The following CPA6 variants were observed in gnomAD, a reference collection of about 807,000 sequenced individuals.
The protein encoded by CPA6 is carboxypeptidase B.
In CPA6, 58 loss-of-function variants were observed where a neutral mutation model predicts 63.3. The observed-to-expected ratio is 0.92, with a 90% CI of 0.74 to 1.14. The LOEUF (loss-of-function observed/expected upper bound fraction) is 1.14, where lower values mean the gene tolerates loss of function less well. Ranked by LOEUF, CPA6 falls within the 50% of genes most tolerant of loss-of-function variation. The pLI, the probability that CPA6 is intolerant of heterozygous loss-of-function variation, is 0.00. For missense variants in CPA6, 565 were observed against 526.6 expected (o/e 1.07, Z -0.71); for synonymous variants, 185 against 179.0 (o/e 1.03, Z -0.27).
chr8:67,702,739 C>T (rs1817052399), intron 1 of CPA6, among the ~76,000 whole-genome samples: 1 of 152,160 alleles, frequency 6.6e-6, no homozygotes, highest in African/African-American at 2.4e-5. Context: ...GCGCATACGG[C>T]CCCTCTCAAG....
Position 67,519,938 on chromosome 8 carries a change from T to C in CPA6, c.193-1891A>G, listed in dbSNP as rs143187777. Among the ~76,000 whole-genome samples, 506 of 152,250 alleles carry C rather than the reference T, an allele frequency of 3.3e-3. 4 individuals carry two copies. Among genetic ancestry groups the C allele is most frequent in the African/African-American group, 0.01 (434 of 41,564 alleles). On this transcript the variant is annotated intron_variant, in intron 2 of 10. Coordinates refer to ENST00000297770, the MANE Select transcript of CPA6 (RefSeq NM_020361.5). The stretch of plus-strand genomic sequence containing the variant: ...CTTTTTCTATTTTTTTATTTATTTT[T>C]ATTTTTTTGGCGTTCTATTCTTCAG...
chr8:67,744,040 T>C (rs1391206807), intron 1 of CPA6, among the ~76,000 whole-genome samples: 1 of 152,250 alleles, frequency 6.6e-6, no homozygotes, highest in Non-Finnish European at 1.5e-5. Flanking sequence ...ACCGGAAGGC[T>C]AAACTTGCAG....
intron 8 of CPA6, among the ~76,000 whole-genome samples, chr8:67,446,955 G>A (rs895416918): frequency 3.3e-5 from 5 of 151,456 alleles, no homozygotes; most frequent in Non-Finnish European, 7.4e-5. Context: ...CACACACCAT[G>A]CATATATGTA....
At chr8:67,468,574 C>G (rs1810982275) in intron 8 of CPA6, among the ~76,000 whole-genome samples, 1 of 130,452 alleles carries the variant, frequency 7.7e-6, no homozygotes, top group Admixed American at 7.6e-5. Context: ...GAGCGAGACT[C>G]TGTCTCAAAA....
At chr8:67,682,353 A>G (rs1816616728) in intron 1 of CPA6, among the ~76,000 whole-genome samples, 1 of 150,400 alleles carries the variant, frequency 6.6e-6, no homozygotes, top group African/African-American at 2.4e-5. Context: ...CATTTTTACA[A>G]CTGTAATTAT....
At position 67,568,742 on chromosome 8, in the gene CPA6, G is replaced by GT. The variant is rs796072051; in HGVS notation, c.193-50696dup. Reference sequence around the variant, plus strand: ...GAAGAAAGAGAAAACGGGCCAGGAAGTTTTTTTTTATTACTTATTTATTTA... The same window carrying GT: ...GAAGAAAGAGAAAACGGGCCAGGAAGTTTTTTTTTTATTACTTATTTATTTA... On this transcript the variant is annotated intron_variant, in intron 2 of 10. Coordinates refer to ENST00000297770, the MANE Select transcript of CPA6 (RefSeq NM_020361.5). Among the ~76,000 whole-genome samples the GT allele has an allele frequency of 2.0e-3, 301 of 151,636 alleles. 1 individual carries two copies. The highest frequency in any genetic ancestry group is 6.2e-3 in the African/African-American group (255 of 41,360).
chr8:67,645,014 T>C (rs1202343968), intron 1 of CPA6, among the ~76,000 whole-genome samples: 1 of 152,188 alleles, frequency 6.6e-6, no homozygotes, highest in African/African-American at 2.4e-5. Context: ...ACACCCCTAA[T>C]ACTTTTCAGA....
intron 2 of CPA6, among the ~76,000 whole-genome samples, chr8:67,616,237 T>C (rs1814944657): frequency 6.6e-6 from 1 of 152,208 alleles, no homozygotes; most frequent in Non-Finnish European, 1.5e-5. Context: ...GGGTTGGGAA[T>C]TACTGCTGTT....
intron 3 of CPA6, among the ~76,000 whole-genome samples, chr8:67,516,531 G>A (rs965920035): frequency 8.5e-5 from 13 of 152,168 alleles, no homozygotes; most frequent in Non-Finnish European, 1.8e-4. Flanking sequence ...CTCATTCTCT[G>A]CTTCGCTAAT....
chr8:67,651,326 AT>A (rs1302643069), intron 1 of CPA6, among the ~76,000 whole-genome samples: 1 of 152,170 alleles, frequency 6.6e-6, no homozygotes, highest in Non-Finnish European at 1.5e-5. Flanking sequence ...ATAGTGAGAG[AT>A]TTTTGAGTAG....
intron 1 of CPA6, among the ~76,000 whole-genome samples, chr8:67,728,867 T>C (rs1233312468): frequency 6.6e-6 from 1 of 152,230 alleles, no homozygotes; most frequent in Non-Finnish European, 1.5e-5. Context: ...TCCGAACCTT[T>C]ATTTTGCATG....
rs118049850 is a variant in CPA6 at position 67,527,291 on chromosome 8, T to G, written c.193-9244A>C. The stretch of plus-strand genomic sequence containing the variant: ...TGACCCTTTTCTGGGGTCTAATATT[T>G]GATGAAATGAAAACCTGAATTACTT... On this transcript the variant is annotated intron_variant, in intron 2 of 10. Coordinates refer to ENST00000297770, the MANE Select transcript of CPA6 (RefSeq NM_020361.5). 3.9e-4 allele frequency among the ~76,000 whole-genome samples: 60 copies of G among 152,358 alleles called. No individual in the cohort carries two copies. In the East Asian group the frequency reaches 0.011, roughly 29 times the overall value.
intron 1 of CPA6, among the ~76,000 whole-genome samples, chr8:67,658,535 A>G (rs1816040747): frequency 1.3e-5 from 2 of 151,986 alleles, no homozygotes; most frequent in African/African-American, 2.4e-5. Flanking sequence ...GGGAGTTTCA[A>G]TCTAATCTCA....
chr8:67,497,071 T>C (rs1430152941), intron 6 of CPA6, among the ~76,000 whole-genome samples: 1 of 152,216 alleles, frequency 6.6e-6, no homozygotes, highest in African/African-American at 2.4e-5. Context: ...TCATGTATGT[T>C]GTAGCATGTA....
intron 8 of CPA6, among the ~76,000 whole-genome samples, chr8:67,454,227 T>C (rs552606359): frequency 1.8e-4 from 28 of 152,382 alleles, no homozygotes; most frequent in African/African-American, 6.0e-4. Flanking sequence ...TAAAACCATC[T>C]ATCTTTATTT....
intron 8 of CPA6, among the ~76,000 whole-genome samples, chr8:67,462,618 T>C (rs1486974936): frequency 6.6e-6 from 1 of 152,218 alleles, no homozygotes; most frequent in Admixed American, 6.5e-5. Context: ...AAGCAATGTG[T>C]AATATTGCCT....
chr8:67,683,130 A>G (rs182171593), intron 1 of CPA6, among the ~76,000 whole-genome samples: 403 of 152,282 alleles, frequency 2.6e-3, no homozygotes, highest in African/African-American at 9.3e-3. Context: ...GAGCAATCAT[A>G]GCGCTGTTTG....
chr8:67,430,937 C>T lies in CPA6; in HGVS notation c.1042-2806G>A, dbSNP rs944933426. On this transcript the variant is annotated intron_variant, in intron 9 of 10. Coordinates refer to ENST00000297770, the MANE Select transcript of CPA6 (RefSeq NM_020361.5). The stretch of plus-strand genomic sequence containing the variant: ...AGTGCAGTAGCATAACCTTAGCTTA[C>T]TGTAACCTCTGCCTCCTGGACTCAA... Among the ~76,000 whole-genome samples, 4 of 152,090 alleles carry T rather than the reference C, an allele frequency of 2.6e-5. No individual in the cohort carries two copies. In the East Asian group the frequency reaches 7.7e-4, roughly 29 times the overall value.
At chr8:67,455,024 T>A (rs551219014) in intron 8 of CPA6, among the ~76,000 whole-genome samples, 1 of 152,126 alleles carries the variant, frequency 6.6e-6, no homozygotes, top group African/African-American at 2.4e-5. Flanking sequence ...AGAGACTCAA[T>A]GGAGCTCAAG....
Sources: gnomAD v4.1 joint callset for allele counts (sites outside exome capture counted in the v4.1 genomes callset) on GRCh38, gnomAD v4.1.1 for gene constraint, MANE v1.5 for transcripts, NCBI Gene and HGNC (gene_info 2026-07-23, HGNC 2026-07-21) for gene names.